RBFOX1: variants seen among roughly 807,000 people sequenced by gnomAD.
RBFOX1 encodes the protein RNA binding fox-1 homolog 1.
A neutral mutation model predicts 57.7 loss-of-function variants in RBFOX1; 8 were observed. The ratio of observed to expected loss-of-function variants is 0.14; its 90% CI spans 0.08 to 0.25. The LOEUF (loss-of-function observed/expected upper bound fraction) is 0.25. Ranked by LOEUF, RBFOX1 falls within the 10% of genes least tolerant of loss-of-function variation. RBFOX1 has a pLI of 1.00. For missense variants in RBFOX1, 611 were observed against 548.5 expected (o/e 1.11, Z -1.14); for synonymous variants, 326 against 222.4 (o/e 1.47, Z -4.15).
chr16:7,062,536 C>T (rs148893217), intron 4 of RBFOX1, among the ~76,000 whole-genome samples: 3 of 152,126 alleles, frequency 2.0e-5, no homozygotes, highest in African/African-American at 4.8e-5. Flanking sequence ...GTAGCTAGTA[C>T]TTTATTATTC....
chr16:6,148,336 A>T (rs34476573), intron 1 of RBFOX1, among the ~76,000 whole-genome samples: 52,823 of 152,048 alleles, frequency 0.35, 9,893 homozygotes, highest in African/African-American at 0.48. Context: ...CAAAATAAGC[A>T]AACAAACAAA....
chr16:5,632,249 C>T (rs985270652), intron 3 of RBFOX1, among the ~76,000 whole-genome samples: 50 of 152,354 alleles, frequency 3.3e-4, no homozygotes, highest in African/African-American at 1.2e-3. Context: ...TAGCCACAGT[C>T]TGATGAACGA....
At chr16:6,908,271 C>A (rs1029476079) in intron 3 of RBFOX1, among the ~76,000 whole-genome samples, 3 of 151,738 alleles carry the variant, frequency 2.0e-5, no homozygotes, top group Non-Finnish European at 4.4e-5. Context: ...GGTGTCCTCT[C>A]CTGCGGCTCT....
At chr16:6,828,449 A>G (rs2092405775) in intron 3 of RBFOX1, among the ~76,000 whole-genome samples, 1 of 151,912 alleles carries the variant, frequency 6.6e-6, no homozygotes. Context: ...ACTTGAACCC[A>G]GGAGGAAGAG....
intron 4 of RBFOX1, among the ~76,000 whole-genome samples, chr16:7,104,459 C>A (rs1338638182): frequency 2.0e-5 from 3 of 152,046 alleles, no homozygotes; most frequent in Non-Finnish European, 4.4e-5. Flanking sequence ...GATTCTAATT[C>A]ATGGACAAGG....
chr16:6,561,009 C>T lies in RBFOX1; in HGVS notation c.-63-93594C>T, dbSNP rs573879007. On this transcript the variant is annotated intron_variant, in intron 2 of 15. Coordinates refer to ENST00000550418, the MANE Select transcript of RBFOX1 (RefSeq NM_018723.4). The stretch of plus-strand genomic sequence containing the variant: ...CTTGTATCCATCCACTTAAAGACAA[C>T]TTCAAACGCACCCTCCAACCACAGG... Among the ~76,000 whole-genome samples, 3 of 152,334 alleles carry T rather than the reference C, an allele frequency of 2.0e-5. No homozygotes were observed. The South Asian group carries it at 6.2e-4, about 32-fold the overall frequency.
At chr16:6,449,987 G>T (rs1597399069) in intron 2 of RBFOX1, among the ~76,000 whole-genome samples, 1 of 152,194 alleles carries the variant, frequency 6.6e-6, no homozygotes, top group East Asian at 1.9e-4. Context: ...GATTGCGTTA[G>T]TTCCCTGCTA....
chr16:7,221,767 TA>T (rs1291048256), intron 4 of RBFOX1, among the ~76,000 whole-genome samples: 2 of 152,230 alleles, frequency 1.3e-5, no homozygotes, highest in African/African-American at 4.8e-5. Flanking sequence ...CAAAGTTTGT[TA>T]TTCTACCAGA....
chr16:7,147,701 T>C (rs926018407), intron 4 of RBFOX1, among the ~76,000 whole-genome samples: 6 of 152,218 alleles, frequency 3.9e-5, no homozygotes, highest in African/African-American at 1.4e-4. Context: ...GACCACATTT[T>C]CTTTATCCTA....
chr16:6,731,051 A>T (rs2068457224), intron 3 of RBFOX1, among the ~76,000 whole-genome samples: 1 of 152,204 alleles, frequency 6.6e-6, no homozygotes. Context: ...CAGAAGCCAG[A>T]TTATAAATTC....
rs2051753231 is a variant in RBFOX1 at position 7,055,274 on chromosome 16, TTGAGA to T, written c.27+3178_27+3182del. Among the ~76,000 whole-genome samples the T allele has an allele frequency of 3.3e-5, 5 of 152,212 alleles. No homozygotes were observed. In the South Asian group the frequency reaches 1.0e-3, roughly 32 times the overall value. On this transcript the variant is annotated intron_variant, in intron 4 of 15. Transcript: ENST00000550418. Reference sequence around the variant, plus strand: ...ACACTTTTGTTTATAGAACATACTCTTGAGATCATATCAGTATTATCAGTTAAGAT... The same window carrying T: ...ACACTTTTGTTTATAGAACATACTCTTCATATCAGTATTATCAGTTAAGAT...
chr16:5,582,995 C>T (rs897554719), intron 2 of RBFOX1, among the ~76,000 whole-genome samples: 7 of 152,178 alleles, frequency 4.6e-5, no homozygotes, highest in African/African-American at 1.4e-4. Context: ...ACTCATTTAA[C>T]TTCTCACTCT....
intron 2 of RBFOX1, among the ~76,000 whole-genome samples, chr16:5,583,220 A>G (rs1048003331): frequency 2.6e-5 from 4 of 152,210 alleles, no homozygotes; most frequent in Non-Finnish European, 2.9e-5. Flanking sequence ...ATGTTATTTA[A>G]CTGTTGTTAA....
intron 4 of RBFOX1, among the ~76,000 whole-genome samples, chr16:7,145,801 G>T (rs151169646): frequency 2.0e-5 from 3 of 152,236 alleles, no homozygotes; most frequent in Non-Finnish European, 4.4e-5. Flanking sequence ...ACCTCTCTCT[G>T]TTTGTGTTCC....
intron 4 of RBFOX1, among the ~76,000 whole-genome samples, chr16:7,307,344 C>G (rs1417119084): frequency 6.6e-6 from 1 of 152,188 alleles, no homozygotes; most frequent in African/African-American, 2.4e-5. Flanking sequence ...TAAATTCTCA[C>G]AGATTTATCC....
chr16:5,737,633 TCTCA>T (rs1303061787), intron 3 of RBFOX1, among the ~76,000 whole-genome samples: 1 of 151,928 alleles, frequency 6.6e-6, no homozygotes, highest in Non-Finnish European at 1.5e-5. Flanking sequence ...AATCTGTACT[TCTCA>T]CTAAGTTTAG....
chr16:6,791,964 A>C (rs1009557592), intron 3 of RBFOX1, among the ~76,000 whole-genome samples: 1 of 152,130 alleles, frequency 6.6e-6, no homozygotes, highest in Non-Finnish European at 1.5e-5. Context: ...TCTATTCCCA[A>C]ATGTGTCTTG....
intron 3 of RBFOX1, among the ~76,000 whole-genome samples, chr16:6,904,618 A>G (rs113316580): frequency 3.4e-4 from 50 of 148,902 alleles, no homozygotes; most frequent in Non-Finnish European, 6.0e-4. Flanking sequence ...AAAAAAAAAA[A>G]AAAAAAAAAA....
rs2096800785 is a variant in RBFOX1, at chr16:6,151,953, A to T, written c.-127+131961A>T. Reference sequence around the variant, plus strand: ...TAAAAGGAGAAAAGAAAAAGCTTTAATATAGACAACTCAATAGCTGAACTA... The same window carrying T: ...TAAAAGGAGAAAAGAAAAAGCTTTATTATAGACAACTCAATAGCTGAACTA... On this transcript the variant is annotated intron_variant, in intron 1 of 15. Coordinates refer to ENST00000550418, the MANE Select transcript of RBFOX1 (RefSeq NM_018723.4). Among the ~76,000 whole-genome samples, 2 of 152,232 alleles carry T rather than the reference A, an allele frequency of 1.3e-5. 1 individual carries two copies. The highest frequency in any genetic ancestry group is 4.1e-4 in the South Asian group (2 of 4,826).
Sources: gnomAD v4.1 joint callset for allele counts (sites outside exome capture counted in the v4.1 genomes callset) on GRCh38, gnomAD v4.1.1 for gene constraint, MANE v1.5 for transcripts, NCBI Gene and HGNC (gene_info 2026-07-23, HGNC 2026-07-21) for gene names.